PBX3: variants seen among roughly 807,000 people sequenced by gnomAD.
The protein encoded by PBX3 is pre-B-cell leukemia transcription factor 3.
In PBX3, 14 loss-of-function variants were observed where a neutral mutation model predicts 48.5. That is an observed-to-expected ratio of 0.29 (90% CI 0.19 to 0.45). PBX3 has a LOEUF of 0.45. Among genes scored for constraint, PBX3 ranks in the 20% least tolerant of loss-of-function variants. PBX3 has a pLI of 1.00. For missense variants in PBX3, 386 were observed against 546.7 expected, an observed-to-expected ratio of 0.71 and a Z score of 2.93; for synonymous variants, 210 against 200.3, an observed-to-expected ratio of 1.05 and a Z score of -0.41.
chr9:125,934,756 ACAT>A (rs1564180369), intron 4 of PBX3, among the ~76,000 whole-genome samples: 1 of 151,848 alleles, frequency 6.6e-6, no homozygotes, highest in Non-Finnish European at 1.5e-5. Context: ...CCCATTCAAT[ACAT>A]CATCAGGTCC....
chr9:125,874,692 T>C (rs1016766204), intron 2 of PBX3, among the ~76,000 whole-genome samples: 2 of 152,158 alleles, frequency 1.3e-5, no homozygotes, highest in Admixed American at 1.3e-4. Context: ...AAATTCTAAG[T>C]GTTGGCAAGA....
chr9:125,769,570 C>T (rs562938122), intron 2 of PBX3, among the ~76,000 whole-genome samples: 33 of 152,274 alleles, frequency 2.2e-4, no homozygotes, highest in African/African-American at 7.7e-4. Flanking sequence ...AAGCCATTAG[C>T]GTGATCCTCT....
At chr9:125,751,212 A>G (rs904008122) in intron 2 of PBX3, among the ~76,000 whole-genome samples, 2 of 152,226 alleles carry the variant, frequency 1.3e-5, no homozygotes, top group African/African-American at 4.8e-5. Flanking sequence ...CATTATGTTG[A>G]TGACTCTATT....
chr9:125,781,281 G>T (rs991563898), intron 2 of PBX3, among the ~76,000 whole-genome samples: 5 of 151,762 alleles, frequency 3.3e-5, no homozygotes, highest in Admixed American at 6.6e-5. Context: ...ACCTCGGGAG[G>T]CCAAGGCTGG....
rs555946518 is a variant in PBX3, at chr9:125,882,333, A to G, written c.275-33353A>G. On this transcript the variant is annotated intron_variant, in intron 2 of 8. Transcript: ENST00000373489. ...AACATTATTTCAGTTTTAGAAATCTAATGTTACAGAGAAAGACTTGTGTCT... is the reference window on the plus strand; with the variant it reads ...AACATTATTTCAGTTTTAGAAATCTGATGTTACAGAGAAAGACTTGTGTCT... Among the ~76,000 whole-genome samples the G allele has an allele frequency of 2.8e-3, 417 of 150,740 alleles. 2 individuals carry two copies. Among genetic ancestry groups the G allele is most frequent in the Non-Finnish European group, 4.2e-3 (285 of 67,676 alleles).
At chr9:125,795,883 T>C (rs1305829492) in intron 2 of PBX3, among the ~76,000 whole-genome samples, 1 of 152,222 alleles carries the variant, frequency 6.6e-6, no homozygotes, top group East Asian at 1.9e-4. Flanking sequence ...ATGAAAGATA[T>C]AAAAACATGG....
At chr9:125,957,013 TA>T (rs769582397) in intron 5 of PBX3, among the ~76,000 whole-genome samples, 6 of 152,068 alleles carry the variant, frequency 3.9e-5, no homozygotes, top group Admixed American at 6.6e-5. Flanking sequence ...CATCTGTTTT[TA>T]AAAGGTGAAA....
chr9:125,910,057 A>G (rs969461749), intron 2 of PBX3, among the ~76,000 whole-genome samples: 18 of 152,314 alleles, frequency 1.2e-4, no homozygotes, highest in Admixed American at 1.1e-3. Context: ...GGAGGTGTGG[A>G]GAAGCATTAT....
In PBX3 at chr9:125,899,304, CATAT is replaced by C. The variant is rs1172652405; in HGVS notation, c.275-16379_275-16376del. ...GTATATATATTTATATATAAATATA[CATAT>C]ATGTATATATTTTTATATAAATATA... is the stretch of plus-strand genomic sequence containing the variant. On this transcript the variant is annotated intron_variant, in intron 2 of 8. Transcript: ENST00000373489. 3.7e-3 allele frequency among the ~76,000 whole-genome samples: 260 copies of C among 70,080 alleles called. 5 individuals are homozygous for C. The highest frequency in any genetic ancestry group is 0.015 in the African/African-American group (246 of 16,344). The allele number at this position is 70,080 out of a possible 152,430, so 46.0% of individuals were successfully genotyped here.
At chr9:125,953,264 C>T (rs1346826655) in intron 5 of PBX3, among the ~76,000 whole-genome samples, 1 of 152,072 alleles carries the variant, frequency 6.6e-6, no homozygotes, top group Admixed American at 6.6e-5. Flanking sequence ...ATCACTTCAG[C>T]TCAGGAGTTC....
intron 1 of PBX3, 133 bp from the exon 2 acceptor site, chr9:125,748,417 T>A (rs1836268839): frequency 6.9e-7 from 1 of 1,439,430 alleles, no homozygotes; most frequent in Non-Finnish European, 9.2e-7. Flanking sequence ...GAGTTTTTGT[T>A]GACTTCCCAC....
At chr9:125,834,971 C>G (rs1374156808) in intron 2 of PBX3, among the ~76,000 whole-genome samples, 1 of 120,864 alleles carries the variant, frequency 8.3e-6, no homozygotes, top group Non-Finnish European at 1.6e-5. Context: ...GAGCCAAGTT[C>G]ATGCCACTGC....
intron 2 of PBX3, among the ~76,000 whole-genome samples, chr9:125,808,002 T>C (rs1284383807): frequency 1.3e-5 from 2 of 152,208 alleles, no homozygotes; most frequent in East Asian, 3.8e-4. Context: ...ACTTTTCATG[T>C]AGATAGATAG....
chr9:125,932,341 G>T (rs1268548836), intron 4 of PBX3, among the ~76,000 whole-genome samples: 2 of 151,240 alleles, frequency 1.3e-5, no homozygotes, highest in South Asian at 2.1e-4. Context: ...CTATGTTTAC[G>T]CAACTATTCA....
At chr9:125,778,205 A>G (rs1837129376) in intron 2 of PBX3, among the ~76,000 whole-genome samples, 1 of 150,606 alleles carries the variant, frequency 6.6e-6, no homozygotes, top group South Asian at 2.1e-4. Context: ...CAGGTAATCC[A>G]CTTACCTTGG....
intron 2 of PBX3, among the ~76,000 whole-genome samples, chr9:125,849,600 C>G (rs1023551273): frequency 2.6e-5 from 4 of 151,894 alleles, no homozygotes; most frequent in Admixed American, 1.3e-4. Flanking sequence ...AATCAAGATG[C>G]CTCTTATAAT....
chr9:125,874,463 T>C (rs924723044), intron 2 of PBX3, among the ~76,000 whole-genome samples: 6 of 152,146 alleles, frequency 3.9e-5, no homozygotes, highest in Admixed American at 6.5e-5. Context: ...AGTCCAGCAA[T>C]GCATAGACAT....
intron 2 of PBX3, among the ~76,000 whole-genome samples, chr9:125,773,578 A>G (rs1836996306): frequency 6.6e-6 from 1 of 152,194 alleles, no homozygotes; most frequent in Non-Finnish European, 1.5e-5. Context: ...AGTAGGAAGC[A>G]CTCAATATCT....
At chr9:125,913,947 G>A (rs1841264783) in intron 2 of PBX3, among the ~76,000 whole-genome samples, 1 of 152,142 alleles carries the variant, frequency 6.6e-6, no homozygotes, top group Non-Finnish European at 1.5e-5. Context: ...CTCATTGCAT[G>A]CCAAATGCAC....
Sources: gnomAD v4.1 joint callset for allele counts (sites outside exome capture counted in the v4.1 genomes callset) on GRCh38, gnomAD v4.1.1 for gene constraint, MANE v1.5 for transcripts, NCBI Gene and HGNC (gene_info 2026-07-23, HGNC 2026-07-21) for gene names.